WNK3: variants seen among roughly 807,000 people sequenced by gnomAD.
WNK3 encodes WNK lysine deficient protein kinase 3.
WNK3 carries 18 observed loss-of-function variants against 116.7 expected under a neutral mutation model. The ratio of observed to expected loss-of-function variants is 0.15; its 90% CI spans 0.11 to 0.23. The LOEUF is 0.23. WNK3 is among the 10% of genes least tolerant of loss of function. WNK3 has a pLI of 1.00. For synonymous variants in WNK3, 404 were observed against 469.4 expected (o/e 0.86, Z 1.80); for missense variants, 993 against 1,323.8 (o/e 0.75, Z 3.88).
chrX:54,216,070 C>G (rs903150770), intron 22 of WNK3, among the ~76,000 whole-genome samples: 18 of 109,898 alleles, frequency 1.6e-4, no homozygotes, highest in Non-Finnish European at 3.2e-4. Flanking sequence ...TAAACAGATG[C>G]TTGAAGGCAG....
chrX:54,337,903 CA>C (rs2069264457), intron 1 of WNK3, among the ~76,000 whole-genome samples: 1 of 110,263 alleles, frequency 9.1e-6, no homozygotes. Context: ...CCCATCTCTA[CA>C]AAAAAATTAC....
chrX:54,325,221 G>A (rs1557173022), intron 2 of WNK3, among the ~76,000 whole-genome samples: 5 of 110,810 alleles, frequency 4.5e-5, no homozygotes, highest in East Asian at 2.8e-4. Flanking sequence ...GCTATAGCTC[G>A]AGTTGTTAGA....
chrX:54,264,019 C>A (rs782296831), intron 10 of WNK3, among the ~76,000 whole-genome samples: 1 of 106,758 alleles, frequency 9.4e-6, no homozygotes, highest in African/African-American at 3.4e-5. Flanking sequence ...GCATGTGCCA[C>A]CACACCTGGC....
At chrX:54,272,555 A>T (rs1334670210) in intron 10 of WNK3, among the ~76,000 whole-genome samples, 2 of 112,342 alleles carry the variant, frequency 1.8e-5, no homozygotes, top group East Asian at 5.6e-4. Context: ...GGTCATTACC[A>T]GAATACAGGT....
intron 22 of WNK3, among the ~76,000 whole-genome samples, chrX:54,222,088 C>T (rs782817713): frequency 9.0e-6 from 1 of 111,221 alleles, no homozygotes; most frequent in Non-Finnish European, 1.9e-5. Flanking sequence ...ACCTGGGAGG[C>T]GGAGGTTGCA....
At chrX:54,323,064 A>C (rs782649016) in intron 2 of WNK3, among the ~76,000 whole-genome samples, 1 of 111,423 alleles carries the variant, frequency 9.0e-6, no homozygotes, top group African/African-American at 3.3e-5. Context: ...GTTTAAAAGA[A>C]AACAGTATAT....
At position 54,324,739 on chromosome X, in the gene WNK3, G is replaced by T. The variant is rs782407894; in HGVS notation, c.537+8398C>A. On this transcript the variant is annotated intron_variant, in intron 2 of 23. Coordinates refer to ENST00000354646, the Ensembl canonical transcript of WNK3. The stretch of plus-strand genomic sequence containing the variant: ...ATGTAATGAAGCACTTTCTTACACG[G>T]CTAAACAGAATCCAGAAACATTTCC... Among the ~76,000 whole-genome samples, 3 of 112,346 alleles carry T rather than the reference G, an allele frequency of 2.7e-5. No individual in the cohort carries two copies. In the South Asian group the frequency reaches 1.1e-3, roughly 41 times the overall value.
intron 1 of WNK3, among the ~76,000 whole-genome samples, chrX:54,337,683 G>A (rs924439820): frequency 1.8e-5 from 2 of 108,844 alleles, no homozygotes; most frequent in Non-Finnish European, 3.8e-5. Context: ...TTGAACCCAG[G>A]AGGCAGAGGT....
rs1557149379 is a variant in WNK3 at position 54,233,027 on chromosome X, G to T, written c.4629-7C>A. ...TACCACCTCCTGAATGTGTCTGAATGAAAATCATGCAAAAAGCATTTTAAT... is the reference window on the plus strand; with the variant it reads ...TACCACCTCCTGAATGTGTCTGAATTAAAATCATGCAAAAAGCATTTTAAT... On this transcript the variant is annotated splice_region_variant and splice_polypyrimidine_tract_variant and intron_variant, in intron 20 of 23. Coordinates refer to ENST00000354646, the Ensembl canonical transcript of WNK3. 1.7e-6 allele frequency: 2 copies of T among 1,191,989 alleles called. No homozygotes were observed. The highest frequency in any genetic ancestry group is 5.9e-5 in the East Asian group (2 of 33,658).
intron 22 of WNK3, among the ~76,000 whole-genome samples, chrX:54,202,757 A>G (rs782656799): frequency 6.1e-4 from 67 of 110,739 alleles, no homozygotes; most frequent in Admixed American, 1.7e-3. Flanking sequence ...GTATAAATCA[A>G]GGGTAATAAA....
intron 10 of WNK3, among the ~76,000 whole-genome samples, chrX:54,260,704 G>A (rs2068246004): frequency 9.0e-6 from 1 of 110,520 alleles, no homozygotes; most frequent in Non-Finnish European, 1.9e-5. Flanking sequence ...TTAATGAAAT[G>A]TTTCATTTTT....
At chrX:54,307,676 TACAA>T (rs1415952763) in intron 5 of WNK3, among the ~76,000 whole-genome samples, 4 of 111,474 alleles carry the variant, frequency 3.6e-5, no homozygotes, top group African/African-American at 1.3e-4. Context: ...AAAAATTCCT[TACAA>T]ACAAATATAT....
intron 1 of WNK3, among the ~76,000 whole-genome samples, chrX:54,350,009 G>C (rs1329920573): frequency 8.9e-6 from 1 of 112,409 alleles, no homozygotes; most frequent in Non-Finnish European, 1.9e-5. Flanking sequence ...GTGAAGAACA[G>C]GTAGTATAAT....
intron 22 of WNK3, among the ~76,000 whole-genome samples, chrX:54,208,742 G>C (rs782532536): frequency 3.6e-5 from 4 of 111,731 alleles, no homozygotes; most frequent in Admixed American, 9.5e-5. Flanking sequence ...TGATTCACCA[G>C]GTCTCCAAGG....
At chrX:54,251,360 T>C in intron 15 of WNK3, 39 bp downstream of exon 15, 1 of 1,030,993 alleles carries the variant, frequency 9.7e-7, no homozygotes, top group Non-Finnish European at 1.3e-6. Context: ...AATGTCTTGC[T>C]TCAAAAACCA....
intron 1 of WNK3, among the ~76,000 whole-genome samples, chrX:54,355,202 T>C (rs2069577591): frequency 9.0e-6 from 1 of 111,711 alleles, no homozygotes; most frequent in Non-Finnish European, 1.9e-5. Context: ...AACAAAACTC[T>C]ATGGAAGAAA....
chrX:54,314,433 G>T (rs1256177936), intron 2 of WNK3, among the ~76,000 whole-genome samples: 1 of 110,958 alleles, frequency 9.0e-6, no homozygotes, highest in Non-Finnish European at 1.9e-5. Context: ...CTTATTTTAT[G>T]TTCTTTATTT....
chrX:54,308,882 A>C (rs2068855617), intron 4 of WNK3, among the ~76,000 whole-genome samples: 1 of 111,969 alleles, frequency 8.9e-6, no homozygotes, highest in Non-Finnish European at 1.9e-5. Context: ...TCTGTCACAC[A>C]ACTACTCAAC....
At chrX:54,205,246 A>G (rs1033064823) in intron 22 of WNK3, among the ~76,000 whole-genome samples, 5 of 89,534 alleles carry the variant, frequency 5.6e-5, no homozygotes, top group Non-Finnish European at 1.0e-4. Context: ...CAACCAACCA[A>G]CCAACCAACC....
Sources: gnomAD v4.1 joint callset for allele counts (sites outside exome capture counted in the v4.1 genomes callset) on GRCh38, gnomAD v4.1.1 for gene constraint, MANE v1.5 for transcripts, NCBI Gene and HGNC (gene_info 2026-07-23, HGNC 2026-07-21) for gene names.